TM2D3: variants seen among roughly 807,000 people sequenced by gnomAD.
TM2D3 encodes TM2 domain containing 3.
In TM2D3, 33 loss-of-function variants were observed where a neutral mutation model predicts 27.3. The ratio of observed to expected loss-of-function variants is 1.21; its 90% CI spans 0.92 to 1.61. The LOEUF (loss-of-function observed/expected upper bound fraction) is 1.61, where lower values mean the gene tolerates loss of function less well. Ranked by LOEUF, TM2D3 falls within the 40% of genes most tolerant of loss-of-function variation. The pLI is 0.00. For synonymous variants in TM2D3, 138 were observed against 122.2 expected (o/e 1.13, Z -0.85); for missense variants, 364 against 320.8 (o/e 1.13, Z -1.03).
rs933345201 is a variant in TM2D3 at position 101,649,987 on chromosome 15, T to C, written c.327+17A>G. ...TTACAATGAATTTATTTAGAATAAG[T>C]AAGCTGCAGTACTTACAACACAGGT... On this transcript the variant is annotated intron_variant, in intron 3 of 5. Coordinates refer to ENST00000333202, the MANE Select transcript of TM2D3 (RefSeq NM_078474.3). 1 of 1,605,638 alleles carries C rather than the reference T, an allele frequency of 6.2e-7. No individual in the cohort carries two copies. The highest frequency in any genetic ancestry group is 8.5e-7 in the Non-Finnish European group (1 of 1,176,790).
chr15:101,644,089 G>A (rs1483246336), intron 5 of TM2D3, among the ~76,000 whole-genome samples: 3 of 152,096 alleles, frequency 2.0e-5, no homozygotes, highest in Admixed American at 6.5e-5. Flanking sequence ...CAAGCAATCC[G>A]CCAGCCTCGG....
intron 3 of TM2D3, among the ~76,000 whole-genome samples, chr15:101,647,756 T>C (rs539836076): frequency 6.6e-6 from 1 of 152,334 alleles, no homozygotes; most frequent in African/African-American, 2.4e-5. Flanking sequence ...AATGGAATTA[T>C]ACTGAAAGCA....
chr15:101,634,372 T>G (rs756975660), intron 4 of TM2D3: 1 of 152,270 alleles, frequency 6.6e-6, no homozygotes, highest in Non-Finnish European at 1.5e-5. Flanking sequence ...AGGTGGAGGT[T>G]GCAGTGAGCC....
downstream of TM2D3, among the ~76,000 whole-genome samples, chr15:101,637,707 G>T (rs1896579308): frequency 6.6e-6 from 1 of 152,186 alleles, no homozygotes; most frequent in African/African-American, 2.4e-5. Flanking sequence ...AGCTTCCCAA[G>T]TAGCTGGGAC....
downstream of TM2D3, among the ~76,000 whole-genome samples, chr15:101,637,327 C>G (rs1202040443): frequency 8.5e-5 from 13 of 152,124 alleles, no homozygotes; most frequent in Admixed American, 8.5e-4. Context: ...GTTTCTTAGA[C>G]TGAAAAAGGT....
At chr15:101,644,979 G>T in intron 5 of TM2D3, 108 bp downstream of exon 5, 2 of 945,578 alleles carry the variant, frequency 2.1e-6, no homozygotes, top group Non-Finnish European at 3.3e-6. Flanking sequence ...TAACACACGT[G>T]GTAGGATCTG....
intron 4 of TM2D3, chr15:101,636,761 C>A (rs1169663255): frequency 9.1e-6 from 2 of 219,050 alleles, no homozygotes; most frequent in Non-Finnish European, 1.9e-5. Flanking sequence ...TCCTGGGCAG[C>A]TACATCACTT....
intron 2 of TM2D3, 140 bp downstream of exon 2, chr15:101,651,556 C>A: frequency 1.2e-6 from 1 of 842,744 alleles, no homozygotes. Flanking sequence ...TGTATCTACC[C>A]TTAATTCACA....
chr15:101,649,884 G>T, intron 3 of TM2D3, 120 bp downstream of exon 3: 2 of 970,740 alleles, frequency 2.1e-6, no homozygotes, highest in Non-Finnish European at 1.5e-6. Flanking sequence ...ACTCAAAAGG[G>T]AAATCATAAA....
chr15:101,650,154 A>T lies in TM2D3; in HGVS notation c.177T>A (p.Thr59=). 6.2e-7 allele frequency: 1 copy of T among 1,612,664 alleles called. No individual in the cohort carries two copies. Among genetic ancestry groups the T allele is most frequent in the Non-Finnish European group, 8.5e-7 (1 of 1,179,396 alleles). ...ACTTCATCACATAAGGTGGGATTTC[A>T]GTACTTTCTGTGAGAGGCAAGAGAG... The part of the protein sequence containing the change: ...FTVVPRAAES[T]EIPPYVMKCP... The change falls in exon 3 of 6, where the codon ACT becomes ACA. Residue 59 remains threonine (T), a synonymous_variant. Coordinates refer to ENST00000333202, the MANE Select transcript of TM2D3 (RefSeq NM_078474.3).
At chr15:101,637,015 G>T, downstream of TM2D3, 1 of 285,242 alleles carries the variant, frequency 3.5e-6, no homozygotes, top group South Asian at 2.8e-5. Flanking sequence ...ACATGTGCCC[G>T]GTGTGGTCCG....
chr15:101,645,301 A>C (rs534503613), intron 4 of TM2D3, 139 bp from the exon 5 acceptor site: 20 of 689,760 alleles, frequency 2.9e-5, no homozygotes, highest in Non-Finnish European at 4.8e-5. Context: ...TGAAGAGTAC[A>C]AAGCGCTTAC....
At chr15:101,648,829 G>A (rs894617389) in intron 3 of TM2D3, among the ~76,000 whole-genome samples, 2 of 146,960 alleles carry the variant, frequency 1.4e-5, no homozygotes, top group African/African-American at 5.3e-5. Flanking sequence ...GAGCAATGCA[G>A]CTAAAAAATA....
downstream of TM2D3, among the ~76,000 whole-genome samples, chr15:101,638,785 G>C (rs900145124): frequency 1.3e-5 from 2 of 152,186 alleles, no homozygotes; most frequent in Non-Finnish European, 2.9e-5. Flanking sequence ...GGAAGGAGGT[G>C]CTGGCTTTTC....
chr15:101,652,377 G>T lies in TM2D3; in HGVS notation c.-16C>A. On this transcript the variant is annotated 5_prime_UTR_variant, in exon 1 of 6. Transcript: ENST00000333202. ...CTCCCGCCATCTTGCCAGCGCCTGCGCACTTCCGGGCCGGGGGGCGGGGCG... is the reference window on the plus strand; with the variant it reads ...CTCCCGCCATCTTGCCAGCGCCTGCTCACTTCCGGGCCGGGGGGCGGGGCG... 1 of 1,575,320 alleles carries T rather than the reference G, an allele frequency of 6.3e-7. No homozygotes were observed. Among genetic ancestry groups the T allele is most frequent in the Non-Finnish European group, 8.6e-7 (1 of 1,161,396 alleles).
intron 5 of TM2D3, among the ~76,000 whole-genome samples, chr15:101,643,427 CCT>C (rs1046776747): frequency 2.0e-5 from 3 of 151,766 alleles, no homozygotes; most frequent in Non-Finnish European, 4.4e-5. Flanking sequence ...ACGGTGAAAC[CCT>C]GTCTCTATTA....
Position 101,650,437 on chromosome 15 carries a change from T to C in TM2D3, c.170-276A>G, listed in dbSNP as rs12591999. Reference sequence around the variant, plus strand: ...AAGGTGCTCATATACAAATAATGTATAGAAAATTCTGGGTATACATTAAGG... The same window carrying C: ...AAGGTGCTCATATACAAATAATGTACAGAAAATTCTGGGTATACATTAAGG... On this transcript the variant is annotated intron_variant, in intron 2 of 5. Coordinates refer to ENST00000333202, the MANE Select transcript of TM2D3 (RefSeq NM_078474.3). 3 of 280,032 alleles carry C rather than the reference T, an allele frequency of 1.1e-5. No homozygotes were observed. In the East Asian group the frequency reaches 1.8e-4, roughly 17 times the overall value. The allele number at this position is 280,032 out of a possible 1,614,324, so 17.3% of individuals were successfully genotyped here.
chr15:101,645,396 G>A (rs1596264758), intron 4 of TM2D3: 1 of 533,886 alleles, frequency 1.9e-6, no homozygotes, highest in East Asian at 3.2e-5. Context: ...CACATATCAA[G>A]ACCTACGGGG....
chr15:101,650,021 G>A lies in TM2D3; in HGVS notation c.310C>T (p.Pro104Ser). ...KPVTFDCAVK[P>S]SVTCVDQDFK... The stretch of plus-strand genomic sequence containing the variant: ...GTACTTACAACACAGGTAACAGATG[G>A]TTTCACTGCACAGTCAAAAGTGACA... The change falls in exon 3 of 6, where the codon CCA becomes TCA. Residue 104 changes from proline to serine, a missense_variant. Physicochemically the swap from Pro to Ser is moderately conservative, Grantham distance 74. Coordinates refer to ENST00000333202, the MANE Select transcript of TM2D3 (RefSeq NM_078474.3). The A allele has an allele frequency of 6.2e-7, 1 of 1,613,898 alleles. No individual in the cohort carries two copies. The highest frequency in any genetic ancestry group is 2.2e-5 in the East Asian group (1 of 44,870).
Sources: gnomAD v4.1 joint callset for allele counts (sites outside exome capture counted in the v4.1 genomes callset) on GRCh38, gnomAD v4.1.1 for gene constraint, MANE v1.5 for transcripts, NCBI Gene and HGNC (gene_info 2026-07-23, HGNC 2026-07-21) for gene names.